TMEM161B: variants seen among roughly 807,000 people sequenced by gnomAD.
The protein encoded by TMEM161B is transmembrane protein 161B.
In TMEM161B, 34 loss-of-function variants were observed where a neutral mutation model predicts 61.8. That is an observed-to-expected ratio of 0.55 (90% confidence interval 0.42 to 0.73). TMEM161B has a LOEUF of 0.73. Ranked by LOEUF, TMEM161B falls within the 30% of genes least tolerant of loss-of-function variation. The pLI, the probability that TMEM161B is intolerant of heterozygous loss-of-function variation, is 0.00. For missense variants in TMEM161B, 456 were observed against 558.5 expected (o/e 0.82, Z 1.85); for synonymous variants, 167 against 192.8 (o/e 0.87, Z 1.11).
intron 1 of TMEM161B, among the ~76,000 whole-genome samples, chr5:88,252,444 A>T (rs1462697909): frequency 1.3e-5 from 2 of 152,190 alleles, no homozygotes; most frequent in African/African-American, 4.8e-5. Context: ...AGATATAGCG[A>T]TATATTAATC....
At chr5:88,192,334 G>A (rs1178586024), downstream of TMEM161B, among the ~76,000 whole-genome samples, 1 of 151,854 alleles carries the variant, frequency 6.6e-6, no homozygotes, top group Non-Finnish European at 1.5e-5. Flanking sequence ...AGCTAAAAAA[G>A]GAGTCCCATG....
chr5:88,226,360 A>C (rs901277897), intron 3 of TMEM161B, among the ~76,000 whole-genome samples: 1 of 152,234 alleles, frequency 6.6e-6, no homozygotes, highest in Non-Finnish European at 1.5e-5. Context: ...TTTTACTAAA[A>C]ATCACAGATG....
chr5:88,218,612 G>A (rs1748353643), intron 5 of TMEM161B, among the ~76,000 whole-genome samples: 1 of 152,120 alleles, frequency 6.6e-6, no homozygotes, highest in Admixed American at 6.5e-5. Context: ...GGGAGACCCT[G>A]TCTCTACAGA....
intron 11 of TMEM161B, 150 bp from the exon 12 acceptor site, chr5:88,196,638 T>C (rs1580313534): frequency 1.1e-6 from 1 of 913,276 alleles, no homozygotes; most frequent in Admixed American, 3.6e-5. Flanking sequence ...ATAATAATCC[T>C]TCTAGATCTG....
intron 2 of TMEM161B, among the ~76,000 whole-genome samples, chr5:88,236,327 G>T (rs1042892733): frequency 9.2e-5 from 14 of 152,098 alleles, no homozygotes; most frequent in African/African-American, 3.4e-4. Flanking sequence ...ACAGAAAGCA[G>T]GTTCAGCAAG....
intron 1 of TMEM161B, among the ~76,000 whole-genome samples, chr5:88,253,909 TTATG>T (rs1361439686): frequency 1.3e-5 from 2 of 152,062 alleles, no homozygotes; most frequent in Non-Finnish European, 2.9e-5. Flanking sequence ...ACTTAGGTGA[TTATG>T]TAAAGATAAA....
chr5:88,241,562 T>A (rs1752740298), intron 1 of TMEM161B, among the ~76,000 whole-genome samples: 1 of 151,884 alleles, frequency 6.6e-6, no homozygotes, highest in Non-Finnish European at 1.5e-5. Context: ...TATGCCTGGT[T>A]TTAATCCTAG....
intron 5 of TMEM161B, among the ~76,000 whole-genome samples, chr5:88,211,116 C>T (rs1225997524): frequency 1.3e-5 from 2 of 151,680 alleles, no homozygotes; most frequent in African/African-American, 4.8e-5. Flanking sequence ...GTATCTAATA[C>T]ATCGAATAAG....
chr5:88,202,641 CAAAA>C (rs1744644959), intron 9 of TMEM161B: 1 of 244,852 alleles, frequency 4.1e-6, no homozygotes, highest in Non-Finnish European at 7.8e-6. Flanking sequence ...AAAATTAAAA[CAAAA>C]GAACTCCAGA....
intron 6 of TMEM161B, 32 bp from the exon 7 acceptor site, chr5:88,206,531 A>C: frequency 6.8e-7 from 1 of 1,468,592 alleles, no homozygotes; most frequent in Non-Finnish European, 9.2e-7. Flanking sequence ...ACAACAGATT[A>C]CTCTTATCAC....
intron 4 of TMEM161B, chr5:88,221,303 G>A (rs934742346): frequency 1.2e-5 from 2 of 165,702 alleles, no homozygotes. Flanking sequence ...CGGATCACCT[G>A]AGGTCAGGAG....
At position 88,203,075 on chromosome 5, in the gene TMEM161B, T is replaced by G. The variant is rs1744732140; in HGVS notation, c.801A>C (p.Gln267His). The change falls in exon 9 of 12, where the codon CAA (glutamine) becomes CAC (histidine). Residue 267 changes from glutamine to histidine, a missense_variant and splice_region_variant. This residue lies in a region of TMEM161B where 367 missense variants were observed against 427.3 expected (regional missense o/e 0.86). Transcript: ENST00000296595. ...ALNLATEKIT[Q>H]TLLHINFLAP... Reference sequence around the variant, plus strand: ...CCAAGAAGTTGATATGAAGTAAAGTTCTGAAAGTACGTAAGAAATAAATAT... The same window carrying G: ...CCAAGAAGTTGATATGAAGTAAAGTGCTGAAAGTACGTAAGAAATAAATAT... 5.2e-6 allele frequency: 8 copies of G among 1,543,002 alleles called. No homozygotes were observed. The highest frequency in any genetic ancestry group is 7.2e-6 in the Non-Finnish European group (8 of 1,116,634).
At chr5:88,211,354 G>A (rs767165163) in intron 5 of TMEM161B, among the ~76,000 whole-genome samples, 6 of 151,280 alleles carry the variant, frequency 4.0e-5, no homozygotes, top group Non-Finnish European at 8.8e-5. Context: ...TTTGAAATAA[G>A]ATCAGGATGC....
intron 1 of TMEM161B, chr5:88,250,595 G>C (rs1211190076): frequency 6.6e-6 from 1 of 152,110 alleles, no homozygotes; most frequent in African/African-American, 2.4e-5. Flanking sequence ...TGGCCCAAAA[G>C]GCGCCAACCA....
chr5:88,233,938 A>G (rs917232445), intron 2 of TMEM161B, among the ~76,000 whole-genome samples: 1 of 152,192 alleles, frequency 6.6e-6, no homozygotes, highest in African/African-American at 2.4e-5. Flanking sequence ...AAAGGAACTA[A>G]AAGATAGTAT....
chr5:88,197,792 C>T, intron 10 of TMEM161B, 27 bp from the exon 11 acceptor site: 1 of 1,579,676 alleles, frequency 6.3e-7, no homozygotes, highest in Non-Finnish European at 8.7e-7. Flanking sequence ...TCTTAAGTGT[C>T]TAATGCAACT....
At chr5:88,221,759 T>C (rs1749030080) in intron 4 of TMEM161B, 1 of 456,126 alleles carries the variant, frequency 2.2e-6, no homozygotes, top group Non-Finnish European at 4.4e-6. Context: ...TTAGAAGGCC[T>C]CCTAAAAATG....
At chr5:88,228,708 A>G (rs1348890562) in intron 2 of TMEM161B, among the ~76,000 whole-genome samples, 180 bp from the exon 3 acceptor site, 1 of 152,196 alleles carries the variant, frequency 6.6e-6, no homozygotes, top group Admixed American at 6.5e-5. Context: ...ATAAACATCC[A>G]GCAGACACTT....
chr5:88,212,451 A>G (rs938818267), intron 5 of TMEM161B, among the ~76,000 whole-genome samples: 6 of 152,208 alleles, frequency 3.9e-5, no homozygotes, highest in Admixed American at 3.3e-4. Flanking sequence ...CAAATGATGA[A>G]CAGGTTCAAG....
Sources: gnomAD v4.1 joint callset for allele counts (sites outside exome capture counted in the v4.1 genomes callset) on GRCh38, gnomAD v4.1.1 for gene constraint, gnomAD v4.1.1 regional missense constraint, MANE v1.5 for transcripts, NCBI Gene and HGNC (gene_info 2026-07-23, HGNC 2026-07-21) for gene names.